Variants in CDYL2 observed in about 807,000 individuals in gnomAD.
CDYL2 encodes chromodomain Y-like protein 2.
CDYL2 carries 23 observed loss-of-function variants against 49.4 expected under a neutral mutation model. The ratio of observed to expected loss-of-function variants is 0.47; its 90% confidence interval spans 0.34 to 0.66. The LOEUF (loss-of-function observed/expected upper bound fraction) is 0.66, where lower values mean the gene tolerates loss of function less well. CDYL2 is among the 30% of genes least tolerant of loss of function. The pLI is 0.01. For missense variants in CDYL2, 678 were observed against 656.4 expected (o/e 1.03, Z -0.36); for synonymous variants, 360 against 268.8 (o/e 1.34, Z -3.32).
rs950473242 is a variant in CDYL2, at chr16:80,788,837, T to G, written c.24+15313A>C. Among the ~76,000 whole-genome samples the G allele has an allele frequency of 4.6e-5, 7 of 152,258 alleles. No homozygotes were observed. The South Asian group carries it at 1.0e-3, about 23-fold the overall frequency. ...ATATTAAATGCTATTATTACTGTTT[T>G]TATTATGCCCTCATCAAAGGACTAA... On this transcript the variant is annotated intron_variant, in intron 1 of 6. Coordinates refer to ENST00000570137, the MANE Select transcript of CDYL2 (RefSeq NM_152342.4).
At chr16:80,776,821 CT>C (rs760175617) in intron 1 of CDYL2, among the ~76,000 whole-genome samples, 295 of 143,884 alleles carry the variant, frequency 2.1e-3, no homozygotes, top group South Asian at 2.9e-3. Context: ...TATTACAAAA[CT>C]TTTTTTTTTT....
chr16:80,608,043 A>T (rs1286328656), intron 6 of CDYL2, 49 bp downstream of exon 6: 5 of 1,517,720 alleles, frequency 3.3e-6, no homozygotes, highest in Non-Finnish European at 4.4e-6. Context: ...CTTCATGTGT[A>T]AAATGGGTCT....
At chr16:80,792,900 T>C (rs1459467522) in intron 1 of CDYL2, among the ~76,000 whole-genome samples, 1 of 152,156 alleles carries the variant, frequency 6.6e-6, no homozygotes, top group African/African-American at 2.4e-5. Context: ...TGGCCGACGC[T>C]GGGATATAAG....
intron 2 of CDYL2, among the ~76,000 whole-genome samples, chr16:80,654,184 C>A (rs1421224375): frequency 1.3e-4 from 20 of 152,146 alleles, no homozygotes; most frequent in Admixed American, 1.2e-3. Context: ...CTCTGCCGGG[C>A]TGGGTTGGGA....
intron 2 of CDYL2, among the ~76,000 whole-genome samples, chr16:80,635,830 T>C (rs958637961): frequency 2.6e-5 from 4 of 152,174 alleles, no homozygotes; most frequent in African/African-American, 7.2e-5. Context: ...AAAGCTACAG[T>C]AACCAAAACA....
chr16:80,750,390 C>G (rs1223118313), intron 1 of CDYL2, among the ~76,000 whole-genome samples: 1 of 145,530 alleles, frequency 6.9e-6, no homozygotes, highest in African/African-American at 2.5e-5. Flanking sequence ...AAACAGTAGA[C>G]TGGATCCAAA....
At chr16:80,787,278 T>G (rs1041038308) in intron 1 of CDYL2, among the ~76,000 whole-genome samples, 1 of 152,148 alleles carries the variant, frequency 6.6e-6, no homozygotes, top group Non-Finnish European at 1.5e-5. Flanking sequence ...TGAGAGGTCT[T>G]GGGGACAGAA....
intron 1 of CDYL2, among the ~76,000 whole-genome samples, chr16:80,726,954 T>A (rs72807937): frequency 0.43 from 64,950 of 152,092 alleles, 16,287 homozygotes; most frequent in Middle Eastern, 0.61. Flanking sequence ...GGCATGCTGG[T>A]ATGTGCCTAT....
chr16:80,621,212 G>A (rs1597128751), intron 3 of CDYL2, among the ~76,000 whole-genome samples: 1 of 152,222 alleles, frequency 6.6e-6, no homozygotes, highest in Non-Finnish European at 1.5e-5. Context: ...CTGGAAGCCT[G>A]GCCTGGAGTC....
At chr16:80,640,208 C>T (rs1351709026) in intron 2 of CDYL2, among the ~76,000 whole-genome samples, 1 of 152,154 alleles carries the variant, frequency 6.6e-6, no homozygotes, top group African/African-American at 2.4e-5. Context: ...CAAAAGAGAT[C>T]CCTCCTTTCC....
At chr16:80,648,682 GAAAA>G (rs979901864) in intron 2 of CDYL2, among the ~76,000 whole-genome samples, 1 of 145,308 alleles carries the variant, frequency 6.9e-6, no homozygotes, top group Non-Finnish European at 1.5e-5. Context: ...AAATCAGAAA[GAAAA>G]AAAATAAAAA....
chr16:80,679,172 T>G, intron 2 of CDYL2, among the ~76,000 whole-genome samples: 4 of 149,746 alleles, frequency 2.7e-5, no homozygotes, highest in African/African-American at 7.4e-5. Context: ...AGATGACGAG[T>G]TAGTGGGTGC....
chr16:80,783,712 A>G (rs1211190275), intron 1 of CDYL2, among the ~76,000 whole-genome samples: 1 of 152,252 alleles, frequency 6.6e-6, no homozygotes, highest in African/African-American at 2.4e-5. Context: ...TGCTACATAT[A>G]TGTAATGCAT....
Position 80,644,301 on chromosome 16 carries a change from G to A in CDYL2, c.617-11065C>T, listed in dbSNP as rs190664045. On this transcript the variant is annotated intron_variant, in intron 2 of 6. Coordinates refer to ENST00000570137, the MANE Select transcript of CDYL2 (RefSeq NM_152342.4). Reference sequence around the variant, plus strand: ...ACCTTATTGTCCATATCACTTATCAGGCTTTTGGTCAAAGACATTCAACAA... The same window carrying A: ...ACCTTATTGTCCATATCACTTATCAAGCTTTTGGTCAAAGACATTCAACAA... Among the ~76,000 whole-genome samples the A allele has an allele frequency of 2.6e-5, 4 of 152,294 alleles. No individual in the cohort carries two copies. In the East Asian group the frequency reaches 7.7e-4, roughly 29 times the overall value.
chr16:80,709,390 A>T (rs897055796), intron 1 of CDYL2, among the ~76,000 whole-genome samples: 1 of 151,980 alleles, frequency 6.6e-6, no homozygotes, highest in Non-Finnish European at 1.5e-5. Context: ...TCAAAAAAAA[A>T]AAAAAAAGAA....
At chr16:80,717,781 G>A (rs965224520) in intron 1 of CDYL2, among the ~76,000 whole-genome samples, 2 of 152,222 alleles carry the variant, frequency 1.3e-5, no homozygotes, top group African/African-American at 2.4e-5. Context: ...CTAATTGCAT[G>A]TGTGCAAAGC....
In CDYL2 at chr16:80,682,519, C is replaced by T. The variant is rs118037516; in HGVS notation, c.616+2019G>A. On this transcript the variant is annotated intron_variant, in intron 2 of 6. Coordinates refer to ENST00000570137, the MANE Select transcript of CDYL2 (RefSeq NM_152342.4). ...AGAAGATTGCACAGCACAAGAGGCA[C>T]ACCCTCATGTAGACCCCTCTATGAG... 1.8e-4 allele frequency among the ~76,000 whole-genome samples: 28 copies of T among 152,360 alleles called. No individual in the cohort carries two copies. In the East Asian group the frequency reaches 5.2e-3, roughly 28 times the overall value.
chr16:80,685,918 C>A (rs1910170643), intron 1 of CDYL2, among the ~76,000 whole-genome samples: 1 of 152,176 alleles, frequency 6.6e-6, no homozygotes, highest in African/African-American at 2.4e-5. Flanking sequence ...AAATGTCCAG[C>A]TCTCCCCACA....
intron 1 of CDYL2, among the ~76,000 whole-genome samples, chr16:80,745,976 T>C (rs1265118032): frequency 6.6e-6 from 1 of 152,200 alleles, no homozygotes; most frequent in Non-Finnish European, 1.5e-5. Context: ...CCTCCTGCTA[T>C]CAATCAGCAA....
Sources: allele counts gnomAD v4.1 joint callset (sites outside exome capture counted in the v4.1 genomes callset), GRCh38; gene constraint gnomAD v4.1.1; transcripts MANE v1.5; gene names NCBI Gene and HGNC (gene_info 2026-07-23, HGNC 2026-07-21).